Variants in COMMD10 observed in about 807,000 individuals in gnomAD.
COMMD10 encodes COMM domain-containing protein 10.
Under a neutral mutation model 28.9 loss-of-function variants are expected in COMMD10, and 33 were observed. That is an observed-to-expected ratio of 1.14 (90% CI 0.87 to 1.53). The LOEUF (loss-of-function observed/expected upper bound fraction) is 1.53. Ranked by LOEUF, COMMD10 falls within the 40% of genes most tolerant of loss-of-function variation. The pLI, the probability that COMMD10 is intolerant of heterozygous loss-of-function variation, is 0.00. For synonymous variants in COMMD10, 110 were observed against 81.7 expected (o/e 1.35, Z -1.87); for missense variants, 310 against 233.4 (o/e 1.33, Z -2.14).
chr5:116,205,874 A>G (rs976236959), intron 5 of COMMD10, among the ~76,000 whole-genome samples: 1 of 152,114 alleles, frequency 6.6e-6, no homozygotes, highest in African/African-American at 2.4e-5. Context: ...TTTCAGATAT[A>G]TATTTGCTTT....
intron 5 of COMMD10, among the ~76,000 whole-genome samples, chr5:116,173,253 A>G (rs1363982293): frequency 6.6e-6 from 1 of 152,126 alleles, no homozygotes; most frequent in Non-Finnish European, 1.5e-5. Context: ...GGAAATCAGG[A>G]AATTCCTAAG....
intron 5 of COMMD10, among the ~76,000 whole-genome samples, chr5:116,193,366 A>G (rs1305708323): frequency 1.3e-5 from 2 of 152,220 alleles, no homozygotes; most frequent in Admixed American, 6.5e-5. Context: ...CTTAAAAGAT[A>G]CAGAGTGGCA....
At chr5:116,170,230 C>T (rs1753276827) in intron 5 of COMMD10, among the ~76,000 whole-genome samples, 1 of 152,162 alleles carries the variant, frequency 6.6e-6, no homozygotes, top group Non-Finnish European at 1.5e-5. Flanking sequence ...AGCAAACTCC[C>T]ATTCACAATT....
intron 4 of COMMD10, among the ~76,000 whole-genome samples, chr5:116,119,507 A>T (rs971056208): frequency 6.6e-6 from 1 of 152,192 alleles, no homozygotes; most frequent in Non-Finnish European, 1.5e-5. Flanking sequence ...GTCTTATGAA[A>T]GTAGGCAGTC....
intron 5 of COMMD10, among the ~76,000 whole-genome samples, chr5:116,143,784 T>C (rs1752262369): frequency 6.6e-6 from 1 of 151,808 alleles, no homozygotes; most frequent in Non-Finnish European, 1.5e-5. Context: ...TTGAATTCAG[T>C]TCCAGAAATA....
chr5:116,279,188 G>C (rs981715455), intron 5 of COMMD10, among the ~76,000 whole-genome samples: 1 of 151,738 alleles, frequency 6.6e-6, no homozygotes, highest in African/African-American at 2.4e-5. Flanking sequence ...GTACTGCCTG[G>C]ACATGCAGTG....
At chr5:116,102,964 G>T (rs1257993184) in intron 4 of COMMD10, among the ~76,000 whole-genome samples, 2 of 151,970 alleles carry the variant, frequency 1.3e-5, no homozygotes, top group East Asian at 3.9e-4. Context: ...GATGGTTTCC[G>T]GCTTCATCCA....
chr5:116,256,684 A>G (rs1264862084), intron 5 of COMMD10, among the ~76,000 whole-genome samples: 2 of 151,812 alleles, frequency 1.3e-5, no homozygotes, highest in Non-Finnish European at 2.9e-5. Context: ...ATATGTTGGG[A>G]TGGGACCCAA....
In COMMD10 at chr5:116,161,248, C is replaced by T. The variant is rs188416449; in HGVS notation, c.510+27070C>T. ...TCTTTCTCTGCTTTGTTCTTATCTT[C>T]GTCATCTTTAAAATGGGGATGTGAA... On this transcript the variant is annotated intron_variant, in intron 5 of 6. Coordinates refer to ENST00000274458, the MANE Select transcript of COMMD10 (RefSeq NM_016144.4). 6.6e-5 allele frequency among the ~76,000 whole-genome samples: 10 copies of T among 152,196 alleles called. No homozygotes were observed. In the East Asian group the frequency reaches 1.7e-3, roughly 26 times the overall value.
chr5:116,236,723 C>G (rs1749675388), intron 5 of COMMD10, among the ~76,000 whole-genome samples: 1 of 151,836 alleles, frequency 6.6e-6, no homozygotes, highest in African/African-American at 2.4e-5. Context: ...ATTTTTAGGG[C>G]TCCAGTAAAT....
chr5:116,256,274 C>A (rs530186058), intron 5 of COMMD10, among the ~76,000 whole-genome samples: 1 of 151,766 alleles, frequency 6.6e-6, no homozygotes, highest in South Asian at 2.1e-4. Context: ...GTGGAAACTT[C>A]AAATGGCAGT....
intron 4 of COMMD10, among the ~76,000 whole-genome samples, chr5:116,130,319 C>T (rs1472652955): frequency 6.6e-6 from 1 of 151,792 alleles, no homozygotes; most frequent in African/African-American, 2.4e-5. Flanking sequence ...CAAATAAATA[C>T]TATATGTTAT....
intron 4 of COMMD10, among the ~76,000 whole-genome samples, chr5:116,110,797 G>A (rs142175818): frequency 6.6e-6 from 1 of 152,192 alleles, no homozygotes; most frequent in Non-Finnish European, 1.5e-5. Flanking sequence ...GCAGGAACAA[G>A]AGAGGAAGGG....
chr5:116,202,636 GTGA>G (rs1748699768), intron 5 of COMMD10, among the ~76,000 whole-genome samples: 2 of 152,008 alleles, frequency 1.3e-5, no homozygotes, highest in Admixed American at 1.3e-4. Context: ...CTGATGGCCA[GTGA>G]TGATGAGCAT....
At chr5:116,157,641 G>A (rs949993586) in intron 5 of COMMD10, among the ~76,000 whole-genome samples, 3 of 152,154 alleles carry the variant, frequency 2.0e-5, no homozygotes, top group African/African-American at 4.8e-5. Context: ...TTAAGGAATA[G>A]GGAAGTAGAT....
intron 5 of COMMD10, among the ~76,000 whole-genome samples, chr5:116,265,573 T>TA (rs1188329418): frequency 6.6e-6 from 1 of 151,560 alleles, no homozygotes; most frequent in Non-Finnish European, 1.5e-5. Flanking sequence ...TTTGAAAACT[T>TA]AAAAAAAATT....
At chr5:116,246,768 G>A (rs986267750) in intron 5 of COMMD10, among the ~76,000 whole-genome samples, 1 of 152,088 alleles carries the variant, frequency 6.6e-6, no homozygotes, top group African/African-American at 2.4e-5. Context: ...ATAGTGTTGG[G>A]ATAATTGGCT....
At chr5:116,085,245 G>GCGTCTGCGGAGTGCGTGGGGC (rs1471313158) in intron 1 of COMMD10, 152 bp downstream of exon 1, 1 of 695,918 alleles carries the variant, frequency 1.4e-6, no homozygotes, top group African/African-American at 1.8e-5. Context: ...TTGCGACGCT[G>GCGTCTGCGGAGTGCGTGGGGC]CGTCTGCGGA....
Position 116,154,468 on chromosome 5 carries a change from C to G in COMMD10, c.510+20290C>G, listed in dbSNP as rs577977852. Among the ~76,000 whole-genome samples the G allele has an allele frequency of 1.1e-4, 17 of 152,176 alleles. No individual in the cohort carries two copies. In the East Asian group the frequency reaches 3.3e-3, roughly 29 times the overall value. ...GTCAGTTGTGTTAGTTGACAAAGGGCAAACATGACCTGTTTTCTGAGAGTG... is the reference window on the plus strand; with the variant it reads ...GTCAGTTGTGTTAGTTGACAAAGGGGAAACATGACCTGTTTTCTGAGAGTG... On this transcript the variant is annotated intron_variant, in intron 5 of 6. Transcript: ENST00000274458.
Sources: allele counts gnomAD v4.1 joint callset (sites outside exome capture counted in the v4.1 genomes callset), GRCh38; gene constraint gnomAD v4.1.1; transcripts MANE v1.5; gene names NCBI Gene and HGNC (gene_info 2026-07-23, HGNC 2026-07-21).